The following PRORP variants were observed in gnomAD, a reference collection of about 807,000 sequenced individuals.
PRORP encodes protein only RNase P catalytic subunit, also known as mitochondrial ribonuclease P catalytic subunit.
In PRORP, 51 loss-of-function variants were observed where a neutral mutation model predicts 59.4. The ratio of observed to expected loss-of-function variants is 0.86; its 90% CI spans 0.69 to 1.08. PRORP has a LOEUF of 1.08. Among genes scored for constraint, PRORP ranks in the 50% least tolerant of loss-of-function variants. The probability of loss-of-function intolerance (pLI) is 0.00; values close to 1 mark genes in which losing one functional copy is unlikely to be tolerated. For synonymous variants in PRORP, 231 were observed against 245.6 expected, an observed-to-expected ratio of 0.94 and a Z score of 0.55; for missense variants, 646 against 690.3, an observed-to-expected ratio of 0.94 and a Z score of 0.72.
chr14:35,152,120 G>C (rs1368939718), intron 4 of PRORP, among the ~76,000 whole-genome samples: 3 of 151,956 alleles, frequency 2.0e-5, no homozygotes, highest in African/African-American at 7.3e-5. Context: ...TGAGATTAGG[G>C]AGTGGTGATG....
At chr14:35,126,965 G>A (rs907066679) in intron 3 of PRORP, among the ~76,000 whole-genome samples, 183 bp downstream of exon 3, 6 of 152,176 alleles carry the variant, frequency 3.9e-5, no homozygotes, top group Admixed American at 3.3e-4. Flanking sequence ...TGTTTTTCCT[G>A]TGAGTACTGT....
intron 4 of PRORP, among the ~76,000 whole-genome samples, chr14:35,174,733 A>G (rs931791582): frequency 1.4e-5 from 2 of 142,780 alleles, no homozygotes; most frequent in African/African-American, 2.6e-5. Context: ...TTGACAGTTC[A>G]TTCTTCTTTT....
At chr14:35,229,891 T>C (rs2138487588) in intron 5 of PRORP, among the ~76,000 whole-genome samples, 1 of 152,176 alleles carries the variant, frequency 6.6e-6, no homozygotes. Flanking sequence ...ACCCCACTTT[T>C]GTTTCAGAAA....
intron 5 of PRORP, among the ~76,000 whole-genome samples, chr14:35,250,066 G>T (rs925674835): frequency 1.6e-4 from 24 of 151,970 alleles, no homozygotes; most frequent in African/African-American, 5.6e-4. Context: ...TGAACAACAT[G>T]GCGAAACCCT....
chr14:35,202,720 C>T (rs1261584933), intron 5 of PRORP, among the ~76,000 whole-genome samples: 1 of 152,042 alleles, frequency 6.6e-6, no homozygotes, highest in Non-Finnish European at 1.5e-5. Flanking sequence ...GCCTTGAACT[C>T]CTGGACTCAA....
chr14:35,173,469 C>G (rs1311321244), intron 4 of PRORP, among the ~76,000 whole-genome samples: 2 of 152,132 alleles, frequency 1.3e-5, no homozygotes, highest in Non-Finnish European at 2.9e-5. Flanking sequence ...GGAATCTTCT[C>G]CAAGCATGTG....
At chr14:35,124,817 C>T (rs2047055337) in intron 2 of PRORP, among the ~76,000 whole-genome samples, 1 of 149,852 alleles carries the variant, frequency 6.7e-6, no homozygotes, top group South Asian at 2.1e-4. Context: ...AGAAGTTCCT[C>T]TGAAATCTAG....
chr14:35,235,285 A>G (rs1004370738), intron 5 of PRORP: 9 of 690,684 alleles, frequency 1.3e-5, no homozygotes, highest in Non-Finnish European at 2.1e-5. Flanking sequence ...GGATTTCATC[A>G]TATCTGTCAT....
At chr14:35,189,366 C>T (rs993991636) in intron 5 of PRORP, among the ~76,000 whole-genome samples, 5 of 151,860 alleles carry the variant, frequency 3.3e-5, no homozygotes, top group Admixed American at 2.6e-4. Context: ...AGCCATGGTG[C>T]CCAGCCTGCA....
At chr14:35,244,682 T>C (rs2050442991) in intron 5 of PRORP, among the ~76,000 whole-genome samples, 1 of 152,194 alleles carries the variant, frequency 6.6e-6, no homozygotes, top group East Asian at 1.9e-4. Flanking sequence ...TTAATATAAA[T>C]GTGTAGTTTA....
Position 35,124,015 on chromosome 14 carries a change from A to C in PRORP, c.770A>C (p.His257Pro). 6.2e-7 allele frequency: 1 copy of C among 1,614,018 alleles called. No individual in the cohort carries two copies. Among genetic ancestry groups the C allele is most frequent in the Non-Finnish European group, 8.5e-7 (1 of 1,179,950 alleles). Residue 257 changes from histidine to proline, a missense_variant, in exon 2 of 8, where the codon CAT becomes CCT. Transcript: ENST00000534898. ...YNDCIQGALLHQDVNTAWNLY... is the reference protein window; with the variant it reads ...YNDCIQGALLPQDVNTAWNLY... ...GACTGTATCCAGGGAGCTCTCCTTC[A>C]TCAAGATGTAAACACAGCTTGGAAT...
intron 4 of PRORP, among the ~76,000 whole-genome samples, chr14:35,146,565 T>G (rs921155522): frequency 3.3e-5 from 5 of 152,198 alleles, no homozygotes; most frequent in African/African-American, 9.6e-5. Context: ...AACTGTGGGT[T>G]TTTTTCCCCA....
chr14:35,156,335 C>T (rs1296400327), intron 4 of PRORP, among the ~76,000 whole-genome samples: 1 of 152,154 alleles, frequency 6.6e-6, no homozygotes, highest in Non-Finnish European at 1.5e-5. Context: ...AATGTGATTT[C>T]CTGTGTTTAA....
At chr14:35,221,304 CA>C (rs1027026866) in intron 5 of PRORP, among the ~76,000 whole-genome samples, 2 of 152,010 alleles carry the variant, frequency 1.3e-5, no homozygotes, top group South Asian at 2.1e-4. Flanking sequence ...ATAATTGATG[CA>C]AAAAAATCCA....
intron 5 of PRORP, among the ~76,000 whole-genome samples, chr14:35,265,021 A>G (rs2051006894): frequency 1.3e-5 from 2 of 152,172 alleles, no homozygotes; most frequent in African/African-American, 2.4e-5. Context: ...AAAAATAAAA[A>G]AATTCAGCCC....
chr14:35,252,781 A>G (rs1308508545), intron 5 of PRORP, among the ~76,000 whole-genome samples: 1 of 152,148 alleles, frequency 6.6e-6, no homozygotes, highest in African/African-American at 2.4e-5. Flanking sequence ...ATGACTTCAC[A>G]TCTCTACCTA....
chr14:35,123,661 G>A lies in PRORP; in HGVS notation c.416G>A (p.Ser139Asn). Residue 139 changes from serine to asparagine, a missense_variant, in exon 2 of 8, where the codon AGT becomes AAT. Transcript: ENST00000534898. ...TTAAAAGAAAACACCGGAAAGACCA[G>A]TTTCGAAAGTTGGATCATTTCACAG... ...EDLKENTGKTSFESWIISQMA... is the reference protein window; with the variant it reads ...EDLKENTGKTNFESWIISQMA... 2 of 1,614,188 alleles carry A rather than the reference G, an allele frequency of 1.2e-6. No individual in the cohort carries two copies. Among genetic ancestry groups the A allele is most frequent in the Non-Finnish European group, 1.7e-6 (2 of 1,180,042 alleles).
intron 4 of PRORP, among the ~76,000 whole-genome samples, chr14:35,167,485 C>T (rs1201417446): frequency 1.3e-5 from 2 of 152,212 alleles, no homozygotes; most frequent in Admixed American, 1.3e-4. Context: ...CATCTCTTCT[C>T]TTTAGTTTAC....
chr14:35,139,111 C>G (rs2047430675), intron 4 of PRORP, among the ~76,000 whole-genome samples: 1 of 145,452 alleles, frequency 6.9e-6, no homozygotes, highest in African/African-American at 2.4e-5. Flanking sequence ...ATTTTTCATA[C>G]AAGTCCTTTT....
Sources: allele counts gnomAD v4.1 joint callset (sites outside exome capture counted in the v4.1 genomes callset), GRCh38; gene constraint gnomAD v4.1.1; transcripts MANE v1.5; gene names NCBI Gene and HGNC (gene_info 2026-07-23, HGNC 2026-07-21).